The following RAPGEF5 variants were observed in gnomAD, a reference collection of about 807,000 sequenced individuals.
RAPGEF5 encodes the protein Rap guanine nucleotide exchange factor 5, also known as M-Ras-regulated GEF.
In RAPGEF5, 65 loss-of-function variants were observed where a neutral mutation model predicts 125.2. The ratio of observed to expected loss-of-function variants is 0.52; its 90% CI spans 0.43 to 0.64. The LOEUF is 0.64. RAPGEF5 is among the 30% of genes least tolerant of loss of function. The pLI, the probability that RAPGEF5 is intolerant of heterozygous loss-of-function variation, is 0.00. For missense variants in RAPGEF5, 958 were observed against 1,048.1 expected (o/e 0.91, Z 1.19); for synonymous variants, 391 against 385.9 (o/e 1.01, Z -0.16).
At chr7:22,189,460 G>A (rs1340034004) in intron 11 of RAPGEF5, among the ~76,000 whole-genome samples, 1 of 152,134 alleles carries the variant, frequency 6.6e-6, no homozygotes, top group African/African-American at 2.4e-5. Flanking sequence ...GAGCAGGACT[G>A]GCTGGGCCCA....
At chr7:22,187,603 A>G (rs1657345924) in intron 11 of RAPGEF5, among the ~76,000 whole-genome samples, 2 of 152,200 alleles carry the variant, frequency 1.3e-5, no homozygotes, top group South Asian at 4.1e-4. Flanking sequence ...TTGTGTGTCC[A>G]GTACCTCTGT....
chr7:22,257,510 G>A (rs1782027474), intron 7 of RAPGEF5, among the ~76,000 whole-genome samples: 1 of 152,146 alleles, frequency 6.6e-6, no homozygotes, highest in South Asian at 2.1e-4. Context: ...ATTGTATCCT[G>A]TGTCTTACAC....
intron 11 of RAPGEF5, chr7:22,192,751 G>A (rs900211223): frequency 6.6e-6 from 1 of 152,458 alleles, no homozygotes; most frequent in Non-Finnish European, 1.5e-5. Flanking sequence ...AGCAAAATGA[G>A]TGTTTTACTC....
intron 7 of RAPGEF5, among the ~76,000 whole-genome samples, chr7:22,233,032 T>C (rs1786097703): frequency 6.6e-6 from 1 of 152,192 alleles, no homozygotes; most frequent in Admixed American, 6.5e-5. Context: ...GGGGGTTCCC[T>C]GTTGCTACTG....
intron 1 of RAPGEF5, among the ~76,000 whole-genome samples, chr7:22,335,687 C>T (rs1368139671): frequency 1.0e-5 from 1 of 99,774 alleles, no homozygotes; most frequent in Non-Finnish European, 2.2e-5. Context: ...AAACAAGAAA[C>T]AAGCAAAAAA....
rs116276213 is a variant in RAPGEF5, at chr7:22,332,265, G to T, written c.232-14228C>A. Among the ~76,000 whole-genome samples, 253 of 152,310 alleles carry T rather than the reference G, an allele frequency of 1.7e-3. 3 individuals are homozygous for T. Among genetic ancestry groups the T allele is most frequent in the African/African-American group, 6.0e-3 (249 of 41,570 alleles). On this transcript the variant is annotated intron_variant, in intron 1 of 25. Coordinates refer to ENST00000665637, the MANE Select transcript of RAPGEF5 (RefSeq NM_012294.5). ...ACTCGAACTTTGCCTGTAAATTGCT[G>T]TGCCTCCACGCCCTGGGGAGATTTA...
chr7:22,135,956 G>T, intron 23 of RAPGEF5, 82 bp downstream of exon 23: 1 of 1,053,490 alleles, frequency 9.5e-7, no homozygotes, highest in Non-Finnish European at 1.4e-6. Flanking sequence ...CAAAATGAGA[G>T]TCCCTTTTTT....
intron 3 of RAPGEF5, among the ~76,000 whole-genome samples, chr7:22,312,300 C>CT (rs1783489955): frequency 6.6e-6 from 1 of 151,988 alleles, no homozygotes; most frequent in Non-Finnish European, 1.5e-5. Flanking sequence ...ACTCTGCCTC[C>CT]CGGGTTCAAG....
chr7:22,329,478 G>C (rs1168521410), intron 1 of RAPGEF5, among the ~76,000 whole-genome samples: 1 of 152,034 alleles, frequency 6.6e-6, no homozygotes, highest in Non-Finnish European at 1.5e-5. Flanking sequence ...CTCCCTTCCC[G>C]CAGTCTAGTC....
chr7:22,249,255 G>A (rs145966088), intron 7 of RAPGEF5, among the ~76,000 whole-genome samples: 3,547 of 152,194 alleles, frequency 0.023, 191 homozygotes, highest in East Asian at 0.16. Context: ...GCAGTGGTGC[G>A]ATCTTGGCTC....
At chr7:22,217,274 A>G (rs1339221966) in intron 9 of RAPGEF5, among the ~76,000 whole-genome samples, 1 of 152,246 alleles carries the variant, frequency 6.6e-6, no homozygotes, top group Non-Finnish European at 1.5e-5. Flanking sequence ...CTGCAGACCT[A>G]GGTTTACGTT....
chr7:22,291,487 T>C (rs936549153), intron 5 of RAPGEF5, among the ~76,000 whole-genome samples: 1 of 152,156 alleles, frequency 6.6e-6, no homozygotes, highest in African/African-American at 2.4e-5. Flanking sequence ...CGATGGGGTA[T>C]TACTCACCCC....
At chr7:22,280,798 C>CCTGAG (rs2128144695) in intron 6 of RAPGEF5, among the ~76,000 whole-genome samples, 2 of 152,246 alleles carry the variant, frequency 1.3e-5, no homozygotes, top group East Asian at 3.9e-4. Context: ...TCTCTTACAT[C>CCTGAG]CTGAGCTGAT....
At chr7:22,155,573 A>T (rs58812671) in intron 16 of RAPGEF5, among the ~76,000 whole-genome samples, 5,232 of 152,334 alleles carry the variant, frequency 0.034, 307 homozygotes, top group African/African-American at 0.12. Context: ...TTTTCATAGA[A>T]ATACAAATGA....
chr7:22,351,028 A>G (rs1358832477), intron 1 of RAPGEF5, among the ~76,000 whole-genome samples: 5 of 152,206 alleles, frequency 3.3e-5, no homozygotes, highest in African/African-American at 1.2e-4. Context: ...CCATAAGCAG[A>G]TGAGAACAAA....
At chr7:22,177,907 G>A (rs1393637894) in intron 11 of RAPGEF5, among the ~76,000 whole-genome samples, 2 of 152,136 alleles carry the variant, frequency 1.3e-5, no homozygotes, top group Non-Finnish European at 2.9e-5. Context: ...TTGGAAGCGG[G>A]AGTAGAGTCA....
chr7:22,320,632 C>A (rs1783696688), intron 1 of RAPGEF5, among the ~76,000 whole-genome samples: 1 of 152,160 alleles, frequency 6.6e-6, no homozygotes, highest in Non-Finnish European at 1.5e-5. Context: ...CTGTTTTCAT[C>A]CCATCTTGGA....
chr7:22,256,644 T>C (rs570451167), intron 7 of RAPGEF5, among the ~76,000 whole-genome samples: 1 of 152,246 alleles, frequency 6.6e-6, no homozygotes, highest in South Asian at 2.1e-4. Flanking sequence ...GCCAAGGAGA[T>C]TTACCACTAT....
At chr7:22,272,106 G>A (rs558887885) in intron 6 of RAPGEF5, among the ~76,000 whole-genome samples, 2 of 152,152 alleles carry the variant, frequency 1.3e-5, no homozygotes, top group Admixed American at 1.3e-4. Context: ...CACTTTGGGA[G>A]GTCGAGGTGG....
Sources: allele counts gnomAD v4.1 joint callset (sites outside exome capture counted in the v4.1 genomes callset), GRCh38; gene constraint gnomAD v4.1.1; transcripts MANE v1.5; gene names NCBI Gene and HGNC (gene_info 2026-07-23, HGNC 2026-07-21).